SGCZ: variants seen among roughly 807,000 people sequenced by gnomAD.
SGCZ encodes sarcoglycan zeta.
Under a neutral mutation model 41.3 loss-of-function variants are expected in SGCZ, and 40 were observed. The observed-to-expected ratio is 0.97, with a 90% CI of 0.75 to 1.26. The LOEUF is 1.26. Among genes scored for constraint, SGCZ ranks in the 50% most tolerant of loss-of-function variants. The probability of loss-of-function intolerance (pLI) is 0.00; values close to 1 mark genes in which losing one functional copy is unlikely to be tolerated. For missense variants in SGCZ, 552 were observed against 369.8 expected (o/e 1.49, Z -4.04); for synonymous variants, 206 against 137.5 (o/e 1.50, Z -3.49).
intron 2 of SGCZ, among the ~76,000 whole-genome samples, chr8:14,473,859 A>C (rs1266504051): frequency 6.6e-6 from 1 of 151,516 alleles, no homozygotes; most frequent in African/African-American, 2.4e-5. Context: ...AACGGTGTGA[A>C]CTCAGGAGAC....
chr8:14,390,872 T>A (rs968885245), intron 2 of SGCZ, among the ~76,000 whole-genome samples: 5 of 152,062 alleles, frequency 3.3e-5, no homozygotes, highest in Non-Finnish European at 7.4e-5. Context: ...AAAAGTATTT[T>A]TAAAATAGTA....
chr8:14,911,996 T>C (rs1372026233), intron 1 of SGCZ, among the ~76,000 whole-genome samples: 2 of 152,052 alleles, frequency 1.3e-5, no homozygotes, highest in Non-Finnish European at 2.9e-5. Flanking sequence ...ACTATTTCTG[T>C]TTCTTTGTCC....
intron 1 of SGCZ, among the ~76,000 whole-genome samples, chr8:14,668,644 A>G (rs1478158714): frequency 1.3e-5 from 2 of 152,208 alleles, no homozygotes; most frequent in Non-Finnish European, 2.9e-5. Context: ...AAATTTTGAT[A>G]TGACTCTAGG....
chr8:14,902,984 T>C (rs760606337), intron 1 of SGCZ, among the ~76,000 whole-genome samples: 1 of 152,170 alleles, frequency 6.6e-6, no homozygotes, highest in Non-Finnish European at 1.5e-5. Context: ...TGACTGGAAA[T>C]ATGTTTAAAG....
chr8:15,071,946 G>A (rs369295330), intron 1 of SGCZ, among the ~76,000 whole-genome samples: 9 of 152,128 alleles, frequency 5.9e-5, no homozygotes, highest in South Asian at 2.1e-4. Context: ...ACTTCTTTCC[G>A]GAAACTTGTC....
chr8:14,376,238 CA>C (rs1409805171), intron 2 of SGCZ, among the ~76,000 whole-genome samples: 1 of 151,864 alleles, frequency 6.6e-6, no homozygotes, highest in African/African-American at 2.4e-5. Context: ...TTGAACCTGG[CA>C]GGCGGAGGTT....
intron 5 of SGCZ, among the ~76,000 whole-genome samples, chr8:14,121,404 T>G (rs1411486214): frequency 6.6e-6 from 1 of 152,144 alleles, no homozygotes; most frequent in African/African-American, 2.4e-5. Flanking sequence ...TTGTGAAACT[T>G]ATAAAAACAA....
At chr8:15,061,474 A>G (rs1421933052) in intron 1 of SGCZ, among the ~76,000 whole-genome samples, 7 of 151,774 alleles carry the variant, frequency 4.6e-5, no homozygotes, top group Admixed American at 2.6e-4. Context: ...TGGCATGTGT[A>G]TACCTAAGTA....
At chr8:14,321,891 T>C (rs1455876264) in intron 3 of SGCZ, among the ~76,000 whole-genome samples, 1 of 152,262 alleles carries the variant, frequency 6.6e-6, no homozygotes, top group South Asian at 2.1e-4. Flanking sequence ...TTCCTTAACC[T>C]AAGAGTTAAG....
chr8:15,131,447 T>A (rs910857266), intron 1 of SGCZ, among the ~76,000 whole-genome samples: 6 of 152,218 alleles, frequency 3.9e-5, no homozygotes, highest in African/African-American at 1.4e-4. Flanking sequence ...CCTCTTTTCC[T>A]TTATAAATTA....
At chr8:15,225,014 C>A (rs2117193503) in intron 1 of SGCZ, among the ~76,000 whole-genome samples, 1 of 152,186 alleles carries the variant, frequency 6.6e-6, no homozygotes, top group South Asian at 2.1e-4. Flanking sequence ...TTTAACATAT[C>A]TCTAATTTGT....
At chr8:15,224,856 G>A (rs915317829) in intron 1 of SGCZ, among the ~76,000 whole-genome samples, 1 of 152,070 alleles carries the variant, frequency 6.6e-6, no homozygotes, top group African/African-American at 2.4e-5. Context: ...ATCATTAGCA[G>A]GGATGAAGAA....
intron 2 of SGCZ, among the ~76,000 whole-genome samples, chr8:14,347,588 T>A (rs182986227): frequency 9.3e-5 from 14 of 151,156 alleles, no homozygotes; most frequent in Non-Finnish European, 1.6e-4. Context: ...ACTTTATGAA[T>A]CTACATATAC....
chr8:14,251,700 C>G (rs1056700612), intron 3 of SGCZ, among the ~76,000 whole-genome samples: 1 of 151,972 alleles, frequency 6.6e-6, no homozygotes, highest in Admixed American at 6.6e-5. Flanking sequence ...TAGTATTAGA[C>G]TTGCATGCAT....
chr8:15,069,332 C>T (rs73665377), intron 1 of SGCZ, among the ~76,000 whole-genome samples: 1 of 152,054 alleles, frequency 6.6e-6, no homozygotes, highest in South Asian at 2.1e-4. Context: ...CCAGGCCTAC[C>T]CACAATGCAA....
At chr8:14,629,010 G>A (rs1340674423) in intron 1 of SGCZ, among the ~76,000 whole-genome samples, 1 of 152,084 alleles carries the variant, frequency 6.6e-6, no homozygotes, top group Non-Finnish European at 1.5e-5. Context: ...GTTTGCAAAA[G>A]AACCAGCTGT....
intron 1 of SGCZ, among the ~76,000 whole-genome samples, chr8:14,939,055 A>T (rs1015615750): frequency 1.3e-5 from 2 of 152,152 alleles, no homozygotes; most frequent in Non-Finnish European, 2.9e-5. Flanking sequence ...AGGCAGAGCC[A>T]GCACCTCACT....
intron 1 of SGCZ, among the ~76,000 whole-genome samples, chr8:15,209,037 C>T (rs533081666): frequency 2.6e-5 from 4 of 152,058 alleles, no homozygotes; most frequent in Non-Finnish European, 5.9e-5. Flanking sequence ...GAATCCTAGA[C>T]TTGGAGTTCT....
chr8:15,062,931 T>C (rs1212244131), intron 1 of SGCZ, among the ~76,000 whole-genome samples: 1 of 152,144 alleles, frequency 6.6e-6, no homozygotes, highest in African/African-American at 2.4e-5. Context: ...GCTAACAAAG[T>C]ACTGCCTAGT....
Sources: gnomAD v4.1 joint callset for allele counts (sites outside exome capture counted in the v4.1 genomes callset) on GRCh38, gnomAD v4.1.1 for gene constraint, MANE v1.5 for transcripts, NCBI Gene and HGNC (gene_info 2026-07-23, HGNC 2026-07-21) for gene names.